SH2D4B: variants seen among roughly 807,000 people sequenced by gnomAD.
SH2D4B encodes SH2 domain-containing protein 4B.
Under a neutral mutation model 61.5 loss-of-function variants are expected in SH2D4B, and 45 were observed. The observed-to-expected ratio is 0.73, with a 90% CI of 0.58 to 0.94. SH2D4B has a LOEUF of 0.94. Among genes scored for constraint, SH2D4B ranks in the 40% least tolerant of loss-of-function variants. SH2D4B has a pLI of 0.00. For missense variants in SH2D4B, 572 were observed against 574.2 expected (o/e 1.00, Z 0.04); for synonymous variants, 224 against 220.4 (o/e 1.02, Z -0.14).
intron 3 of SH2D4B, among the ~76,000 whole-genome samples, chr10:80,580,315 G>GAGTCT (rs1274336613): frequency 6.6e-6 from 1 of 152,158 alleles, no homozygotes; most frequent in Non-Finnish European, 1.5e-5. Context: ...CAGGTTAGCT[G>GAGTCT]AGTCTACATA....
chr10:80,583,535 G>A (rs1022918864), intron 3 of SH2D4B, among the ~76,000 whole-genome samples: 2 of 151,990 alleles, frequency 1.3e-5, no homozygotes, highest in Non-Finnish European at 2.9e-5. Flanking sequence ...AGGGGTGGTG[G>A]CATGCGCGCC....
intron 4 of SH2D4B, among the ~76,000 whole-genome samples, chr10:80,599,230 T>G (rs12242845): frequency 0.013 from 1,949 of 152,128 alleles, 49 homozygotes; most frequent in African/African-American, 0.044. Context: ...GAGTCTGGGC[T>G]GGGAGTGGAG....
chr10:80,636,190 T>G (rs899173424), intron 7 of SH2D4B, among the ~76,000 whole-genome samples: 1 of 152,244 alleles, frequency 6.6e-6, no homozygotes, highest in Non-Finnish European at 1.5e-5. Flanking sequence ...CTTAATCTAG[T>G]CTATCATTGA....
chr10:80,543,887 C>T (rs12770675), intron 1 of SH2D4B, among the ~76,000 whole-genome samples: 11,046 of 84,366 alleles, frequency 0.13, no homozygotes, highest in African/African-American at 0.32. Flanking sequence ...CTGTATCTAG[C>T]TGATCTGGTG....
At chr10:80,643,393 G>A (rs1054608048) in intron 7 of SH2D4B, among the ~76,000 whole-genome samples, 2 of 151,784 alleles carry the variant, frequency 1.3e-5, no homozygotes, top group Non-Finnish European at 2.9e-5. Flanking sequence ...CTATTGTTGA[G>A]TTCAGCCTCT....
chr10:80,596,207 C>G (rs1842383654), intron 4 of SH2D4B, among the ~76,000 whole-genome samples: 1 of 152,256 alleles, frequency 6.6e-6, no homozygotes, highest in Non-Finnish European at 1.5e-5. Context: ...GTTCCCCTTG[C>G]TCATTGATAA....
chr10:80,591,004 C>T (rs1842318696), intron 4 of SH2D4B, among the ~76,000 whole-genome samples: 2 of 150,440 alleles, frequency 1.3e-5, no homozygotes, highest in Non-Finnish European at 1.5e-5. Context: ...CATTATGTGG[C>T]TTTTGGTGTC....
At chr10:80,591,873 A>G (rs925374611) in intron 4 of SH2D4B, among the ~76,000 whole-genome samples, 1 of 152,290 alleles carries the variant, frequency 6.6e-6, no homozygotes, top group Middle Eastern at 3.4e-3. Flanking sequence ...ACCCATTAAT[A>G]CATTAATCCA....
intron 3 of SH2D4B, among the ~76,000 whole-genome samples, chr10:80,579,598 C>T (rs1842166508): frequency 6.6e-6 from 1 of 152,080 alleles, no homozygotes; most frequent in Admixed American, 6.6e-5. Context: ...CCTCCTCCCA[C>T]TCCCACCTCT....
intron 3 of SH2D4B, among the ~76,000 whole-genome samples, chr10:80,582,829 A>G (rs774789091): frequency 2.0e-5 from 3 of 152,214 alleles, no homozygotes; most frequent in Admixed American, 6.5e-5. Flanking sequence ...TCCTGCTTGC[A>G]GCCTGCTCCC....
intron 6 of SH2D4B, among the ~76,000 whole-genome samples, chr10:80,624,450 T>C (rs755221235): frequency 1.3e-5 from 2 of 152,230 alleles, no homozygotes; most frequent in African/African-American, 4.8e-5. Flanking sequence ...CCCTCTAGAA[T>C]AGGTTTATAA....
At chr10:80,577,764 G>T (rs534719697) in intron 3 of SH2D4B, among the ~76,000 whole-genome samples, 9 of 150,666 alleles carry the variant, frequency 6.0e-5, no homozygotes, top group Admixed American at 1.3e-4. Flanking sequence ...GGGTTTCACC[G>T]TGTTAGCCAG....
intron 6 of SH2D4B, among the ~76,000 whole-genome samples, chr10:80,612,206 A>G (rs1423774521): frequency 4.6e-5 from 2 of 43,102 alleles, no homozygotes; most frequent in Non-Finnish European, 8.3e-5. Context: ...TTTCAACTTT[A>G]CTCACTTATA....
At chr10:80,594,556 G>C (rs1280440242) in intron 4 of SH2D4B, among the ~76,000 whole-genome samples, 1 of 152,182 alleles carries the variant, frequency 6.6e-6, no homozygotes. Flanking sequence ...TTTGTAAAGA[G>C]GAATTAATTT....
chr10:80,644,092 TC>T lies in SH2D4B; in HGVS notation c.*9del. On this transcript the variant is annotated 3_prime_UTR_variant, in exon 8 of 8. Transcript: ENST00000646907. ...CCATCTGTTGTTTGAATAATTTTTT[TC>T]CTTATCAATTGGATTCATTTTGGTA... is the stretch of plus-strand genomic sequence containing the variant. 6.2e-7 allele frequency: 1 copy of T among 1,611,600 alleles called. No homozygotes were observed. The highest frequency in any genetic ancestry group is 2.2e-5 in the East Asian group (1 of 44,838).
intron 5 of SH2D4B, among the ~76,000 whole-genome samples, chr10:80,605,102 G>A (rs969363738): frequency 4.6e-5 from 7 of 151,748 alleles, no homozygotes; most frequent in Non-Finnish European, 7.4e-5. Flanking sequence ...TCTGTTCTTC[G>A]TTTTTTATGT....
At position 80,644,224 on chromosome 10, in the gene SH2D4B, A is replaced by T; in HGVS notation, c.*139A>T. 3 of 671,226 alleles carry T rather than the reference A, an allele frequency of 4.5e-6. No individual in the cohort carries two copies. Among genetic ancestry groups the T allele is most frequent in the Non-Finnish European group, 5.1e-6 (2 of 390,208 alleles). The allele number at this position is 671,226 out of a possible 1,614,324, so 41.6% of individuals were successfully genotyped here. A position where few individuals can be genotyped will look rare whatever the true frequency, so the allele number is the denominator to read the frequency against. ...AAAGTAGATTAATATGCCTCAAGGG[A>T]TATGACATCTATGGCATAGGGCTAC... On this transcript the variant is annotated 3_prime_UTR_variant, in exon 8 of 8. Coordinates refer to ENST00000646907, the MANE Select transcript of SH2D4B (RefSeq NM_001388272.1).
chr10:80,626,203 C>T (rs575283153), intron 6 of SH2D4B, among the ~76,000 whole-genome samples: 1 of 152,018 alleles, frequency 6.6e-6, no homozygotes, highest in East Asian at 1.9e-4. Flanking sequence ...CTTTAGAAAT[C>T]AACCAGCTCA....
At position 80,645,495 on chromosome 10, in the gene SH2D4B, T is replaced by G. The variant is rs1840383331; in HGVS notation, c.*1410T>G. ...GTGAATCTGGGATGAATGGGAGTCA[T>G]AGGCTGGTAGATCGCTTTTTCCTCC... On this transcript the variant is annotated 3_prime_UTR_variant, in exon 8 of 8. Transcript: ENST00000646907. The G allele has an allele frequency of 6.6e-6, 1 of 152,256 alleles. No individual in the cohort carries two copies. Among genetic ancestry groups the G allele is most frequent in the Admixed American group, 6.5e-5 (1 of 15,274 alleles). 9.4% of individuals were successfully genotyped at this position (152,256 alleles called of 1,614,324 possible). A position where few individuals can be genotyped will look rare whatever the true frequency, so the allele number is the denominator to read the frequency against.
Sources: allele counts gnomAD v4.1 joint callset (sites outside exome capture counted in the v4.1 genomes callset), GRCh38; gene constraint gnomAD v4.1.1; transcripts MANE v1.5; gene names NCBI Gene and HGNC (gene_info 2026-07-23, HGNC 2026-07-21).